Variants in WDR64 observed in about 807,000 individuals in gnomAD.
The protein encoded by WDR64 is WD repeat domain 64, also known as WD repeat-containing protein 64.
Under a neutral mutation model 139.3 loss-of-function variants are expected in WDR64, and 112 were observed. That is an observed-to-expected ratio of 0.80 (90% CI 0.69 to 0.94). WDR64 has a LOEUF of 0.94. Among genes scored for constraint, WDR64 ranks in the 40% least tolerant of loss-of-function variants. The pLI is 0.00. For missense variants in WDR64, 1,206 were observed against 1,293.1 expected, an observed-to-expected ratio of 0.93 and a Z score of 1.03; for synonymous variants, 444 against 437.7, an observed-to-expected ratio of 1.01 and a Z score of -0.18.
intron 14 of WDR64, 87 bp downstream of exon 14, chr1:241,749,809 C>A (rs1246182112): frequency 4.3e-6 from 6 of 1,408,090 alleles, no homozygotes; most frequent in Non-Finnish European, 5.9e-6. Flanking sequence ...CCATGTAACC[C>A]CGCTCTTGGT....
At chr1:241,674,535 G>T in intron 3 of WDR64, 109 bp from the exon 4 acceptor site, 1 of 636,312 alleles carries the variant, frequency 1.6e-6, no homozygotes, top group Non-Finnish European at 2.7e-6. Context: ...GATTACAGGA[G>T]TGAGCCACTT....
At chr1:241,780,277 C>G (rs943587055) in intron 22 of WDR64, among the ~76,000 whole-genome samples, 5 of 152,188 alleles carry the variant, frequency 3.3e-5, no homozygotes, top group Non-Finnish European at 7.3e-5. Flanking sequence ...ATGCCAGCCA[C>G]TGGTCACTTT....
At chr1:241,774,420 G>T (rs1406232221) in intron 20 of WDR64, among the ~76,000 whole-genome samples, 5 of 152,148 alleles carry the variant, frequency 3.3e-5, no homozygotes. Flanking sequence ...AGAAATAGGA[G>T]GAGAAGAGAT....
chr1:241,771,750 G>A (rs768617671), intron 19 of WDR64, 53 bp downstream of exon 19: 807 of 1,241,246 alleles, frequency 6.5e-4, no homozygotes, highest in Non-Finnish European at 8.0e-4. Context: ...CTTTGCAAGA[G>A]GGCATTTAGG....
chr1:241,690,103 A>G (rs974088729), intron 8 of WDR64, among the ~76,000 whole-genome samples: 2 of 152,176 alleles, frequency 1.3e-5, no homozygotes, highest in Admixed American at 6.5e-5. Context: ...AATATCAGAA[A>G]GCACCAAGAA....
In WDR64 at chr1:241,655,758, C is replaced by G. The variant is rs551377674; in HGVS notation, c.145+3129C>G. On this transcript the variant is annotated intron_variant, in intron 1 of 27. Transcript: ENST00000437684. ...CTTCCTCATCTTTCAAGACCCAAAT[C>G]AAATGTCACCTCTTTGTAAAAACTT... 4.6e-5 allele frequency among the ~76,000 whole-genome samples: 7 copies of G among 151,054 alleles called. No individual in the cohort carries two copies. The South Asian group carries it at 1.5e-3, about 32-fold the overall frequency.
At chr1:241,795,395 G>C in intron 26 of WDR64, 108 bp downstream of exon 26, 4 of 944,770 alleles carry the variant, frequency 4.2e-6, no homozygotes, top group Non-Finnish European at 6.4e-6. Context: ...CATACAGTCA[G>C]TTGGACCGTT....
intron 9 of WDR64, among the ~76,000 whole-genome samples, chr1:241,717,642 T>G (rs1198677503): frequency 1.3e-5 from 2 of 151,402 alleles, no homozygotes; most frequent in Non-Finnish European, 2.9e-5. Context: ...AAAGAAAAAA[T>G]AGAAAGCAAC....
chr1:241,702,883 G>A (rs1020587156), intron 8 of WDR64, among the ~76,000 whole-genome samples: 1 of 152,158 alleles, frequency 6.6e-6, no homozygotes, highest in Non-Finnish European at 1.5e-5. Flanking sequence ...GAGTAGTTCT[G>A]ACAACAGAGA....
At chr1:241,694,161 C>G (rs941753495) in intron 8 of WDR64, among the ~76,000 whole-genome samples, 6 of 151,876 alleles carry the variant, frequency 4.0e-5, no homozygotes, top group Non-Finnish European at 8.8e-5. Context: ...CTTAGAATTC[C>G]TTTAAATTCT....
chr1:241,727,308 G>A (rs1668884034), intron 10 of WDR64, among the ~76,000 whole-genome samples: 2 of 152,194 alleles, frequency 1.3e-5, no homozygotes, highest in Admixed American at 1.3e-4. Context: ...AGAGAAATAA[G>A]ATATCTTTCT....
chr1:241,716,287 G>GAAAAAAAA (rs10696205), intron 9 of WDR64, among the ~76,000 whole-genome samples: 1 of 145,252 alleles, frequency 6.9e-6, no homozygotes, highest in Admixed American at 6.9e-5. Flanking sequence ...GCTTTTGCAG[G>GAAAAAAAA]AAAAAAAAAA....
At chr1:241,702,421 A>G (rs1276430051) in intron 8 of WDR64, among the ~76,000 whole-genome samples, 1 of 152,138 alleles carries the variant, frequency 6.6e-6, no homozygotes, top group African/African-American at 2.4e-5. Flanking sequence ...ACTTAAGTTA[A>G]CTCACGTAAA....
At chr1:241,698,736 TACCTACTCCAGGGA>T (rs1282783968) in intron 8 of WDR64, among the ~76,000 whole-genome samples, 9 of 152,192 alleles carry the variant, frequency 5.9e-5, no homozygotes, top group Admixed American at 5.2e-4. Flanking sequence ...GATCAGATGG[TACCTACTCCAGGGA>T]ATTTTCCTGA....
chr1:241,683,864 T>TACACAC (rs11473073), intron 7 of WDR64, among the ~76,000 whole-genome samples, 163 bp downstream of exon 7: 5,197 of 145,512 alleles, frequency 0.036, 293 homozygotes, highest in African/African-American at 0.12. Context: ...TGTTCATGTA[T>TACACAC]ACACACACAC....
Position 241,775,215 on chromosome 1 carries a change from G to A in WDR64, c.2536+5G>A, listed in dbSNP as rs1395952575. 1.3e-6 allele frequency: 2 copies of A among 1,547,548 alleles called. No individual in the cohort carries two copies. The highest frequency in any genetic ancestry group is 1.7e-6 in the Non-Finnish European group (2 of 1,145,550). On this transcript the variant is annotated splice_donor_5th_base_variant and intron_variant, in intron 21 of 27. Transcript: ENST00000437684. Reference sequence around the variant, plus strand: ...TACTACTGGCTGGAAATGTGGGTGAGTCATTACTCTTAGACATTCAGTGAC... The same window carrying A: ...TACTACTGGCTGGAAATGTGGGTGAATCATTACTCTTAGACATTCAGTGAC...
intron 13 of WDR64, among the ~76,000 whole-genome samples, chr1:241,744,803 A>G (rs1235472801): frequency 6.6e-6 from 1 of 152,234 alleles, no homozygotes; most frequent in Non-Finnish European, 1.5e-5. Context: ...TCTGTGTTGC[A>G]CTGACTCATC....
At chr1:241,772,219 T>C (rs1296082736) in intron 19 of WDR64, among the ~76,000 whole-genome samples, 2 of 148,702 alleles carry the variant, frequency 1.3e-5, no homozygotes, top group East Asian at 2.0e-4. Flanking sequence ...ATGTATAGTA[T>C]AGAAGCTTTT....
intron 22 of WDR64, among the ~76,000 whole-genome samples, chr1:241,781,066 T>C (rs1016341961): frequency 6.6e-6 from 1 of 152,172 alleles, no homozygotes; most frequent in African/African-American, 2.4e-5. Flanking sequence ...AGTTATGTAA[T>C]TGTTTTATCC....
Sources: gnomAD v4.1 joint callset for allele counts (sites outside exome capture counted in the v4.1 genomes callset) on GRCh38, gnomAD v4.1.1 for gene constraint, MANE v1.5 for transcripts, NCBI Gene and HGNC (gene_info 2026-07-23, HGNC 2026-07-21) for gene names.